FAM47E: variants seen among roughly 807,000 people sequenced by gnomAD.
FAM47E encodes the protein family with sequence similarity 47 member E.
Under a neutral mutation model 41.6 loss-of-function variants are expected in FAM47E, and 32 were observed. The ratio of observed to expected loss-of-function variants is 0.77; its 90% CI spans 0.58 to 1.03. FAM47E has a LOEUF of 1.03. Ranked by LOEUF, FAM47E falls within the 50% of genes least tolerant of loss-of-function variation. The pLI, the probability that FAM47E is intolerant of heterozygous loss-of-function variation, is 0.00. For missense variants in FAM47E, 424 were observed against 485.4 expected (o/e 0.87, Z 1.19); for synonymous variants, 184 against 188.7 (o/e 0.98, Z 0.20).
chr4:76,221,696 G>T (rs62303003), intron 2 of FAM47E, among the ~76,000 whole-genome samples: 1 of 152,208 alleles, frequency 6.6e-6, no homozygotes, highest in Non-Finnish European at 1.5e-5. Context: ...TAGCTAAAGA[G>T]CTAAGCATCA....
chr4:76,262,045 C>T (rs1183330472), intron 2 of FAM47E, among the ~76,000 whole-genome samples: 1 of 152,022 alleles, frequency 6.6e-6, no homozygotes, highest in Non-Finnish European at 1.5e-5. Context: ...TACTGGATCA[C>T]CAGTATTGTT....
chr4:76,218,504 C>T lies in FAM47E; in HGVS notation c.81+816C>T, dbSNP rs1733253989. Among the ~76,000 whole-genome samples, 3 of 152,210 alleles carry T rather than the reference C, an allele frequency of 2.0e-5. 1 individual carries two copies. Among genetic ancestry groups the T allele is most frequent in the Admixed American group, 1.3e-4 (2 of 15,284 alleles). On this transcript the variant is annotated intron_variant, in intron 2 of 7. Coordinates refer to the FAM47E transcript ENST00000510197. The stretch of plus-strand genomic sequence containing the variant: ...TTACCCATGTCCCTGTCTACCGCCT[C>T]CTCCGATCAAGAAGACCTCATGGCT...
intron 5 of FAM47E, among the ~76,000 whole-genome samples, chr4:76,272,857 C>G (rs1734949245): frequency 6.6e-6 from 1 of 152,096 alleles, no homozygotes; most frequent in Admixed American, 6.5e-5. Context: ...AATGGAGGGT[C>G]ACTATACAAA....
At chr4:76,224,744 TTTTA>T (rs944781633) in intron 2 of FAM47E, among the ~76,000 whole-genome samples, 3 of 152,024 alleles carry the variant, frequency 2.0e-5, no homozygotes, top group African/African-American at 4.8e-5. Context: ...TGTTATTTTA[TTTTA>T]TTTATTTATT....
Position 76,273,998 on chromosome 4 carries a change from G to A in FAM47E, c.870+2230G>A, listed in dbSNP as rs541204909. Among the ~76,000 whole-genome samples the A allele has an allele frequency of 5.3e-5, 8 of 151,840 alleles. No homozygotes were observed. The South Asian group carries it at 1.3e-3, about 24-fold the overall frequency. On this transcript the variant is annotated intron_variant, in intron 5 of 7. Coordinates refer to ENST00000424749, the MANE Select transcript of FAM47E (RefSeq NM_001136570.3). Reference sequence around the variant, plus strand: ...TCCATGTCTCAACTTCACCTTTTGCGCATAAAAAACATAGTTATAACAATT... The same window carrying A: ...TCCATGTCTCAACTTCACCTTTTGCACATAAAAAACATAGTTATAACAATT...
chr4:76,249,434 C>T (rs1219166194), upstream of FAM47E, among the ~76,000 whole-genome samples: 1 of 152,088 alleles, frequency 6.6e-6, no homozygotes, highest in Non-Finnish European at 1.5e-5. Context: ...TATAGAAAGC[C>T]ATCTTAGGAA....
At position 76,256,485 on chromosome 4, in the gene FAM47E, G is replaced by A. The variant is rs764019899; in HGVS notation, c.382G>A (p.Ala128Thr). 4.2e-5 allele frequency: 65 copies of A among 1,551,344 alleles called. No homozygotes were observed. The highest frequency in any genetic ancestry group is 5.3e-5 in the Non-Finnish European group (61 of 1,146,856). ...GGCCCACCTGACCCCACATCCCTTA[G>A]CGCTCTACCTGAATCTGGAAGAAGC... ...VEAHLTPHPL[A>T]LYLNLEEAMP... The change falls in exon 2 of 8, where the codon GCG becomes ACG. Residue 128 changes from alanine to threonine, a missense_variant. By Grantham distance (58) the Ala-to-Thr change is moderately conservative. Transcript: ENST00000424749.
intron 2 of FAM47E, among the ~76,000 whole-genome samples, chr4:76,227,333 T>C (rs1273391129): frequency 6.6e-6 from 1 of 152,214 alleles, no homozygotes; most frequent in East Asian, 1.9e-4. Context: ...TTAATGTCCA[T>C]TATTTGTACA....
chr4:76,246,241 T>C (rs1733824029), intron 2 of FAM47E, among the ~76,000 whole-genome samples: 3 of 152,200 alleles, frequency 2.0e-5, no homozygotes. Flanking sequence ...CCAGCCACTC[T>C]CTACAAGATC....
chr4:76,254,128 G>GA lies in FAM47E; in HGVS notation c.75-2034dup, dbSNP rs35201794. ...GAGCAACAGAGTGAGACCCTGTCTT[G>GA]AAAAAAAAAAAAAAAACAGAAAAAG... is the stretch of plus-strand genomic sequence containing the variant. On this transcript the variant is annotated intron_variant, in intron 1 of 7. Coordinates refer to ENST00000424749, the MANE Select transcript of FAM47E (RefSeq NM_001136570.3). Among the ~76,000 whole-genome samples the GA allele has an allele frequency of 5.9e-3, 768 of 129,650 alleles. 9 individuals are homozygous for GA. Among genetic ancestry groups the GA allele is most frequent in the African/African-American group, 0.018 (632 of 34,966 alleles). 85.1% of individuals were successfully genotyped at this position (129,650 alleles called of 152,430 possible).
intron 2 of FAM47E, among the ~76,000 whole-genome samples, chr4:76,237,377 G>GTT (rs1247251115): frequency 7.7e-5 from 11 of 142,028 alleles, no homozygotes; most frequent in African/African-American, 2.9e-4. Flanking sequence ...TTGTTTGTTT[G>GTT]TTTTTTTTTT....
At chr4:76,216,427 T>A (rs62303000) in intron 1 of FAM47E, among the ~76,000 whole-genome samples, 73,979 of 151,984 alleles carry the variant, frequency 0.49, 19,308 homozygotes, top group Non-Finnish European at 0.59. Context: ...ATTTTCTGTT[T>A]GCGGGCTCCA....
Position 76,256,292 on chromosome 4 carries a change from T to G in FAM47E, c.189T>G (p.Thr63=). The change falls in exon 2 of 8, where the codon ACT becomes ACG. Residue 63 remains threonine, a synonymous_variant. Transcript: ENST00000424749. ...DDFRKGCPPC[T]GLVTQVPVEG... is the part of the protein sequence containing the mutation. Reference sequence around the variant, plus strand: ...TCAGGAAGGGCTGCCCGCCTTGCACTGGTCTGGTGACTCAGGTCCCTGTGG... The same window carrying G: ...TCAGGAAGGGCTGCCCGCCTTGCACGGGTCTGGTGACTCAGGTCCCTGTGG... The G allele has an allele frequency of 6.4e-7, 1 of 1,551,706 alleles. No individual in the cohort carries two copies. The highest frequency in any genetic ancestry group is 1.2e-5 in the South Asian group (1 of 84,066).
intron 2 of FAM47E, chr4:76,234,637 C>G (rs998612843): frequency 6.6e-6 from 1 of 152,236 alleles, no homozygotes; most frequent in Non-Finnish European, 1.5e-5. Context: ...TCCGGGGACC[C>G]CCTCCCACCT....
intron 5 of FAM47E, among the ~76,000 whole-genome samples, chr4:76,276,363 T>G (rs1735110938): frequency 1.4e-5 from 1 of 70,178 alleles, no homozygotes; most frequent in Non-Finnish European, 3.6e-5. Context: ...TACTTTTTTT[T>G]GTTTGTTTGT....
intron 1 of FAM47E, among the ~76,000 whole-genome samples, chr4:76,216,168 CTGT>C (rs1299055365): frequency 6.6e-6 from 1 of 152,194 alleles, no homozygotes; most frequent in Admixed American, 6.5e-5. Flanking sequence ...CTCTTCTCTG[CTGT>C]TAAGTTTCAG....
At chr4:76,268,896 C>T (rs777944043) in intron 4 of FAM47E, 128 bp downstream of exon 4, 15 of 1,181,608 alleles carry the variant, frequency 1.3e-5, no homozygotes, top group Admixed American at 3.0e-5. Flanking sequence ...TGGATAAAAT[C>T]TAAGTCAAAT....
intron 2 of FAM47E, among the ~76,000 whole-genome samples, chr4:76,236,898 T>C (rs1351810035): frequency 1.6e-5 from 2 of 122,998 alleles, no homozygotes; most frequent in Non-Finnish European, 3.6e-5. Context: ...CTTTTCTTTC[T>C]TTTTTTTTTT....
At chr4:76,214,218 GT>G in exon 1 of FAM47E, 2 of 454,472 alleles carry the variant, frequency 4.4e-6, no homozygotes, top group South Asian at 3.1e-5. Flanking sequence ...CGGGGACACC[GT>G]TACCGCAATT....
Sources: allele counts gnomAD v4.1 joint callset (sites outside exome capture counted in the v4.1 genomes callset), GRCh38; gene constraint gnomAD v4.1.1; transcripts MANE v1.5; gene names NCBI Gene and HGNC (gene_info 2026-07-23, HGNC 2026-07-21).